The following GPC5 variants were observed in gnomAD, a reference collection of about 807,000 sequenced individuals.
GPC5 encodes the protein glypican 5.
GPC5 carries 47 observed loss-of-function variants against 53.9 expected under a neutral mutation model. That is an observed-to-expected ratio of 0.87 (90% CI 0.69 to 1.11). The LOEUF (loss-of-function observed/expected upper bound fraction) is 1.11. Ranked by LOEUF, GPC5 falls within the 50% of genes most tolerant of loss-of-function variation. The pLI, the probability that GPC5 is intolerant of heterozygous loss-of-function variation, is 0.00. For synonymous variants in GPC5, 286 were observed against 263.3 expected (o/e 1.09, Z -0.84); for missense variants, 748 against 713.1 (o/e 1.05, Z -0.56).
intron 5 of GPC5, among the ~76,000 whole-genome samples, chr13:91,771,975 G>A (rs1187477956): frequency 6.6e-6 from 1 of 152,140 alleles, no homozygotes; most frequent in African/African-American, 2.4e-5. Flanking sequence ...AAGAATATGG[G>A]TAGTTACTGC....
intron 3 of GPC5, among the ~76,000 whole-genome samples, chr13:91,705,204 A>G (rs925274179): frequency 6.6e-6 from 1 of 152,118 alleles, no homozygotes; most frequent in East Asian, 1.9e-4. Context: ...TTCCACTCAC[A>G]TTTTTCCCCT....
At chr13:92,369,026 G>T (rs559646102) in intron 7 of GPC5, among the ~76,000 whole-genome samples, 13 of 152,226 alleles carry the variant, frequency 8.5e-5, no homozygotes, top group South Asian at 8.3e-4. Flanking sequence ...GTAATGTTTG[G>T]ATGTATTCAT....
intron 7 of GPC5, among the ~76,000 whole-genome samples, chr13:92,528,658 T>A (rs1221017814): frequency 6.6e-6 from 1 of 152,078 alleles, no homozygotes; most frequent in East Asian, 1.9e-4. Context: ...TAATAGATGT[T>A]CTAAGGAAAG....
chr13:92,163,460 CAA>C (rs35480023), intron 7 of GPC5, among the ~76,000 whole-genome samples: 173 of 90,308 alleles, frequency 1.9e-3, no homozygotes, highest in Admixed American at 9.4e-3. Context: ...GATTCCATCT[CAA>C]AAAAAAAAAA....
chr13:92,225,767 T>C (rs1473557084), intron 7 of GPC5, among the ~76,000 whole-genome samples: 5 of 152,184 alleles, frequency 3.3e-5, no homozygotes, highest in Non-Finnish European at 7.3e-5. Flanking sequence ...AAAATGCCCT[T>C]TATAAACTTT....
chr13:92,246,377 A>G (rs1338714940), intron 7 of GPC5, among the ~76,000 whole-genome samples: 1 of 152,134 alleles, frequency 6.6e-6, no homozygotes, highest in Non-Finnish European at 1.5e-5. Flanking sequence ...ATGTCTACTT[A>G]TACCAGTGAG....
chr13:92,566,528 G>C (rs367741898), intron 7 of GPC5, among the ~76,000 whole-genome samples: 26 of 152,182 alleles, frequency 1.7e-4, no homozygotes, highest in African/African-American at 6.3e-4. Flanking sequence ...AGTATTGATC[G>C]TGGCCCTTGA....
chr13:92,151,252 TCATA>T (rs1276191682), intron 7 of GPC5, among the ~76,000 whole-genome samples: 1 of 152,066 alleles, frequency 6.6e-6, no homozygotes, highest in African/African-American at 2.4e-5. Context: ...TCAAACTTTC[TCATA>T]CATATAAATT....
intron 6 of GPC5, among the ~76,000 whole-genome samples, chr13:92,139,420 C>A (rs1026059573): frequency 6.6e-5 from 10 of 152,156 alleles, no homozygotes; most frequent in African/African-American, 2.4e-4. Flanking sequence ...GTAATCCCAG[C>A]ACTTTGGGAG....
intron 2 of GPC5, among the ~76,000 whole-genome samples, chr13:91,650,473 T>TTC (rs140293024): frequency 0.065 from 9,824 of 152,164 alleles, 1,064 homozygotes; most frequent in African/African-American, 0.22. Flanking sequence ...AAGATCATCT[T>TTC]TGTTTAACTA....
At chr13:91,853,264 T>C (rs2138895537) in intron 5 of GPC5, among the ~76,000 whole-genome samples, 1 of 152,230 alleles carries the variant, frequency 6.6e-6, no homozygotes. Context: ...CTCTTTCTCA[T>C]CTGGGGGTAT....
At chr13:92,025,092 T>C (rs927985716) in intron 6 of GPC5, among the ~76,000 whole-genome samples, 1 of 152,184 alleles carries the variant, frequency 6.6e-6, no homozygotes, top group Non-Finnish European at 1.5e-5. Flanking sequence ...CTTACCATAT[T>C]TTTGCCTCCC....
chr13:91,449,380 A>T (rs1019572964), intron 2 of GPC5, among the ~76,000 whole-genome samples: 3 of 152,040 alleles, frequency 2.0e-5, no homozygotes, highest in Admixed American at 2.0e-4. Context: ...AAATTCTGAG[A>T]TACATGTGCA....
intron 7 of GPC5, among the ~76,000 whole-genome samples, chr13:92,423,531 G>A (rs1023287850): frequency 1.3e-5 from 2 of 152,150 alleles, no homozygotes; most frequent in Non-Finnish European, 2.9e-5. Flanking sequence ...ATCACTAACT[G>A]TTATTGTTGT....
At chr13:92,377,197 G>A (rs7326944) in intron 7 of GPC5, among the ~76,000 whole-genome samples, 81,031 of 151,968 alleles carry the variant, frequency 0.53, 21,799 homozygotes, top group East Asian at 0.55. Flanking sequence ...TTGCAGTGCT[G>A]TAGTTTTCAC....
At chr13:91,781,497 A>G (rs1439327731) in intron 5 of GPC5, among the ~76,000 whole-genome samples, 1 of 152,240 alleles carries the variant, frequency 6.6e-6, no homozygotes. Context: ...TCATATGTGG[A>G]TCATTTCACT....
At chr13:91,461,173 A>C (rs1222371431) in intron 2 of GPC5, among the ~76,000 whole-genome samples, 1 of 152,068 alleles carries the variant, frequency 6.6e-6, no homozygotes, top group Non-Finnish European at 1.5e-5. Flanking sequence ...AGATAATCGA[A>C]CTTTTGCACC....
chr13:91,600,271 T>C (rs2033133000), intron 2 of GPC5, among the ~76,000 whole-genome samples: 1 of 151,626 alleles, frequency 6.6e-6, no homozygotes, highest in African/African-American at 2.4e-5. Flanking sequence ...AATCTATAGA[T>C]ACATTAGATT....
chr13:91,942,607 C>T (rs1294145063), intron 6 of GPC5, among the ~76,000 whole-genome samples: 1 of 151,916 alleles, frequency 6.6e-6, no homozygotes, highest in Non-Finnish European at 1.5e-5. Context: ...TTTCCATTTA[C>T]TTCAGGTGGA....
Sources: gnomAD v4.1 joint callset for allele counts (sites outside exome capture counted in the v4.1 genomes callset) on GRCh38, gnomAD v4.1.1 for gene constraint, MANE v1.5 for transcripts, NCBI Gene and HGNC (gene_info 2026-07-23, HGNC 2026-07-21) for gene names.